The following AGBL4 variants were observed in gnomAD, a reference collection of about 807,000 sequenced individuals.
The protein encoded by AGBL4 is AGBL carboxypeptidase 4.
Under a neutral mutation model 66.4 loss-of-function variants are expected in AGBL4, and 58 were observed. The observed-to-expected ratio is 0.87, with a 90% confidence interval of 0.71 to 1.09. The LOEUF (loss-of-function observed/expected upper bound fraction) is 1.09, where lower values mean the gene tolerates loss of function less well. AGBL4 is among the 50% of genes least tolerant of loss of function. The pLI is 0.00. For synonymous variants in AGBL4, 234 were observed against 222.9 expected, an observed-to-expected ratio of 1.05 and a Z score of -0.44; for missense variants, 579 against 631.0, an observed-to-expected ratio of 0.92 and a Z score of 0.88.
intron 1 of AGBL4, among the ~76,000 whole-genome samples, chr1:49,952,338 T>C (rs566081347): frequency 6.3e-4 from 96 of 151,760 alleles, no homozygotes; most frequent in Admixed American, 1.2e-3. Flanking sequence ...AAGTATATGA[T>C]AAAATCAATA....
intron 3 of AGBL4, among the ~76,000 whole-genome samples, chr1:49,251,478 T>C (rs1237977680): frequency 6.6e-6 from 1 of 151,878 alleles, no homozygotes; most frequent in Non-Finnish European, 1.5e-5. Context: ...GTGGATCCTC[T>C]CACACCATTA....
At chr1:49,796,249 C>T (rs1644726917) in intron 2 of AGBL4, among the ~76,000 whole-genome samples, 1 of 151,826 alleles carries the variant, frequency 6.6e-6, no homozygotes, top group African/African-American at 2.4e-5. Flanking sequence ...TAAATTGGTA[C>T]AATCATTCTG....
chr1:49,980,259 C>T (rs1658951169), intron 1 of AGBL4, among the ~76,000 whole-genome samples: 1 of 152,014 alleles, frequency 6.6e-6, no homozygotes, highest in South Asian at 2.1e-4. Context: ...TTAGTAAAAA[C>T]ACATAGCATA....
At position 49,356,153 on chromosome 1, in the gene AGBL4, C is replaced by T. The variant is rs564325543; in HGVS notation, c.283-110289G>A. On this transcript the variant is annotated intron_variant, in intron 3 of 13. Coordinates refer to ENST00000371839, the MANE Select transcript of AGBL4 (RefSeq NM_032785.4). ...ATGAAGATCCTTCCAAAGTACTCCC[C>T]CAAAATTAGGATCCTGGGGGGATCA... is the stretch of plus-strand genomic sequence containing the variant. 6.6e-5 allele frequency among the ~76,000 whole-genome samples: 10 copies of T among 152,210 alleles called. No homozygotes were observed. The South Asian group carries it at 1.9e-3, about 28-fold the overall frequency.
intron 4 of AGBL4, among the ~76,000 whole-genome samples, chr1:49,210,032 TA>T (rs1648546802): frequency 6.6e-6 from 1 of 152,124 alleles, no homozygotes; most frequent in African/African-American, 2.4e-5. Flanking sequence ...GTGAAAAGTG[TA>T]AGACGGGGAG....
At chr1:49,802,552 C>G (rs1644887027) in intron 2 of AGBL4, among the ~76,000 whole-genome samples, 1 of 152,198 alleles carries the variant, frequency 6.6e-6, no homozygotes, top group African/African-American at 2.4e-5. Flanking sequence ...ATTCTTATCT[C>G]TGTATACTGT....
chr1:49,983,810 C>A (rs1659277549), intron 1 of AGBL4, among the ~76,000 whole-genome samples: 1 of 152,154 alleles, frequency 6.6e-6, no homozygotes, highest in South Asian at 2.1e-4. Context: ...CCTGGCTTTG[C>A]AGTATGCATT....
intron 1 of AGBL4, among the ~76,000 whole-genome samples, chr1:49,900,158 T>C (rs1649631612): frequency 6.6e-6 from 1 of 152,226 alleles, no homozygotes; most frequent in Non-Finnish European, 1.5e-5. Context: ...GGTGAATCTT[T>C]CACATATTGC....
intron 4 of AGBL4, among the ~76,000 whole-genome samples, chr1:49,217,761 T>C (rs866063807): frequency 6.6e-6 from 1 of 152,142 alleles, no homozygotes; most frequent in African/African-American, 2.4e-5. Flanking sequence ...TAGAATCTTT[T>C]CTGAAACTTT....
chr1:49,543,023 C>A (rs1652187145), intron 3 of AGBL4, among the ~76,000 whole-genome samples: 1 of 151,464 alleles, frequency 6.6e-6, no homozygotes. Context: ...CTAAGACCTC[C>A]TTCCAAGGGC....
At chr1:49,411,440 C>G (rs998283550) in intron 3 of AGBL4, among the ~76,000 whole-genome samples, 2 of 152,164 alleles carry the variant, frequency 1.3e-5, no homozygotes, top group Admixed American at 1.3e-4. Flanking sequence ...CTGGCAACAC[C>G]CTCATAGACA....
Position 49,513,610 on chromosome 1 carries a change from T to C in AGBL4, c.282+183703A>G, listed in dbSNP as rs555872273. ...ATGATGATTGATTGTGAATGTTTTC[T>C]ACTTTTACAACTTTTCCTATGTTTA... On this transcript the variant is annotated intron_variant, in intron 3 of 13. Coordinates refer to ENST00000371839, the MANE Select transcript of AGBL4 (RefSeq NM_032785.4). Among the ~76,000 whole-genome samples the C allele has an allele frequency of 2.6e-5, 4 of 152,028 alleles. No individual in the cohort carries two copies. In the South Asian group the frequency reaches 8.3e-4, roughly 31 times the overall value.
chr1:49,364,361 T>TA (rs1214959666), intron 3 of AGBL4, among the ~76,000 whole-genome samples: 1 of 152,218 alleles, frequency 6.6e-6, no homozygotes, highest in African/African-American at 2.4e-5. Flanking sequence ...ATAATCTCTC[T>TA]AATCCTCAAT....
At chr1:48,645,415 G>A (rs1195235042) in intron 8 of AGBL4, among the ~76,000 whole-genome samples, 2 of 152,154 alleles carry the variant, frequency 1.3e-5, no homozygotes, top group African/African-American at 4.8e-5. Flanking sequence ...CTTCTTGTAA[G>A]GATCTAAGGG....
At chr1:49,547,504 T>C (rs1279008044) in intron 3 of AGBL4, among the ~76,000 whole-genome samples, 2 of 152,200 alleles carry the variant, frequency 1.3e-5, no homozygotes, top group South Asian at 2.1e-4. Flanking sequence ...TTTGGTTCCA[T>C]ATGAATTTTA....
chr1:49,939,944 C>T (rs1323962153), intron 1 of AGBL4, among the ~76,000 whole-genome samples: 2 of 152,118 alleles, frequency 1.3e-5, no homozygotes, highest in Non-Finnish European at 2.9e-5. Flanking sequence ...ATTTTCGTAA[C>T]CTACTCATCT....
At chr1:48,651,275 CA>C (rs1645925877) in intron 8 of AGBL4, among the ~76,000 whole-genome samples, 1 of 152,128 alleles carries the variant, frequency 6.6e-6, no homozygotes, top group Non-Finnish European at 1.5e-5. Context: ...CCTCAAATCA[CA>C]AAATCTCTGG....
At chr1:49,301,211 T>G (rs1644738717) in intron 3 of AGBL4, among the ~76,000 whole-genome samples, 1 of 152,234 alleles carries the variant, frequency 6.6e-6, no homozygotes, top group Non-Finnish European at 1.5e-5. Context: ...TTCTGGGCTG[T>G]GGGACAATTA....
At chr1:48,863,341 A>G (rs1647669324) in intron 6 of AGBL4, among the ~76,000 whole-genome samples, 1 of 152,166 alleles carries the variant, frequency 6.6e-6, no homozygotes, top group Admixed American at 6.5e-5. Flanking sequence ...AAAAGGCAGA[A>G]AAGAAATAAA....
Sources: gnomAD v4.1 joint callset for allele counts (sites outside exome capture counted in the v4.1 genomes callset) on GRCh38, gnomAD v4.1.1 for gene constraint, MANE v1.5 for transcripts, NCBI Gene and HGNC (gene_info 2026-07-23, HGNC 2026-07-21) for gene names.